SPNS2: variants seen among roughly 807,000 people sequenced by gnomAD.
SPNS2 encodes the protein sphingosine-1-phosphate transporter SPNS2.
SPNS2 carries 37 observed loss-of-function variants against 57.6 expected under a neutral mutation model. The observed-to-expected ratio is 0.64, with a 90% CI of 0.49 to 0.85. The LOEUF (loss-of-function observed/expected upper bound fraction) is 0.85, where lower values mean the gene tolerates loss of function less well. Ranked by LOEUF, SPNS2 falls within the 40% of genes least tolerant of loss-of-function variation. The pLI is 0.00. For missense variants in SPNS2, 831 were observed against 779.1 expected, an observed-to-expected ratio of 1.07 and a Z score of -0.79; for synonymous variants, 440 against 346.9, an observed-to-expected ratio of 1.27 and a Z score of -2.98.
chr17:4,534,785 G>A (rs546187459), intron 9 of SPNS2, among the ~76,000 whole-genome samples: 6 of 151,044 alleles, frequency 4.0e-5, no homozygotes, highest in South Asian at 2.1e-4. Context: ...GCAGGGGTGC[G>A]CCAGGGTCAC....
Position 4,532,675 on chromosome 17 carries a change from T to C in SPNS2, c.926T>C (p.Leu309Pro). Residue 309 changes from leucine to proline, a missense_variant, in exon 6 of 13, where the codon CTG becomes CCG. Transcript: ENST00000329078. ...RTSWLRDMKA[L>P]IRNRSYVFSS... Reference sequence around the variant, plus strand: ...TCATGGCTCCGAGATATGAAGGCCCTGATTCGAAAGTGAGTACCGCGGGAA... The same window carrying C: ...TCATGGCTCCGAGATATGAAGGCCCCGATTCGAAAGTGAGTACCGCGGGAA... 1 of 1,613,606 alleles carries C rather than the reference T, an allele frequency of 6.2e-7. No homozygotes were observed.
intron 2 of SPNS2, among the ~76,000 whole-genome samples, chr17:4,517,153 G>A (rs763010151): frequency 1.3e-5 from 2 of 152,078 alleles, no homozygotes; most frequent in South Asian, 2.1e-4. Flanking sequence ...GTTCCCTTTC[G>A]AGAATGGGCA....
At chr17:4,533,680 T>G (rs1597370184) in intron 8 of SPNS2, 108 bp from the exon 9 acceptor site, 4 of 1,255,524 alleles carry the variant, frequency 3.2e-6, no homozygotes, top group South Asian at 1.2e-5. Context: ...CCGGGAGGGG[T>G]GTGAGGTTTT....
intron 2 of SPNS2, among the ~76,000 whole-genome samples, chr17:4,523,440 CACAA>C (rs1214960700): frequency 6.6e-6 from 1 of 151,910 alleles, no homozygotes; most frequent in Non-Finnish European, 1.5e-5. Flanking sequence ...GACACTGTCT[CACAA>C]ACAAATAAAA....
At chr17:4,533,887 C>A (rs753624390) in intron 9 of SPNS2, 34 bp downstream of exon 9, 1 of 1,548,004 alleles carries the variant, frequency 6.5e-7, no homozygotes, top group Admixed American at 1.7e-5. Context: ...CCTTGTGCTG[C>A]TGACCCAGGC....
In SPNS2 at chr17:4,533,429, C is replaced by A. The variant is rs762347363; in HGVS notation, c.1275C>A (p.Ala425=). ...FVAAKSSIVG[A]YICIFVGETL... is the part of the protein sequence containing the mutation. ...CTGCCAAGAGCAGCATCGTAGGAGC[C>A]TATGTGAGTGCAGCGGGGGTCAAGG... Residue 425 remains alanine (A), a synonymous_variant, in exon 8 of 13, where the codon GCC becomes GCA. Transcript: ENST00000329078. 6.9e-6 allele frequency: 11 copies of A among 1,598,772 alleles called. No homozygotes were observed. Among genetic ancestry groups the A allele is most frequent in the South Asian group, 1.1e-5 (1 of 89,830 alleles).
rs1842241073 is a variant in SPNS2, at chr17:4,511,505, G to A, written c.371-1742G>A. On this transcript the variant is annotated intron_variant, in intron 1 of 12. Coordinates refer to ENST00000329078, the MANE Select transcript of SPNS2 (RefSeq NM_001124758.3). The surrounding 1 kb of genome is among the most constrained non-coding windows in gnomAD (Gnocchi z 4.6). The stretch of plus-strand genomic sequence containing the variant: ...GGGATGGGATCAAACCTACACATCA[G>A]GAGGGGGAACAGAGTCCTGACCCAG... Among the ~76,000 whole-genome samples the A allele has an allele frequency of 1.3e-5, 2 of 152,220 alleles. No homozygotes were observed. Among genetic ancestry groups the A allele is most frequent in the Admixed American group, 1.3e-4 (2 of 15,290 alleles).
chr17:4,524,633 G>T (rs911559773), intron 2 of SPNS2, among the ~76,000 whole-genome samples: 4 of 152,190 alleles, frequency 2.6e-5, no homozygotes, highest in Admixed American at 2.6e-4. Context: ...GCAGTGAGCC[G>T]AGAGTGTGCC....
chr17:4,532,948 C>T (rs760259208), intron 6 of SPNS2, 29 bp from the exon 7 acceptor site: 1 of 1,596,872 alleles, frequency 6.3e-7, no homozygotes, highest in Non-Finnish European at 8.5e-7. Context: ...GGTCCCTGAG[C>T]TCAGTGTCAC....
chr17:4,516,579 T>C (rs1295195555), intron 2 of SPNS2, among the ~76,000 whole-genome samples: 2 of 142,460 alleles, frequency 1.4e-5, no homozygotes, highest in African/African-American at 5.3e-5. Context: ...GCAGAGAGCG[T>C]GCACCTAGCT....
At chr17:4,534,756 A>G (rs1170939743) in intron 9 of SPNS2, among the ~76,000 whole-genome samples, 1 of 151,932 alleles carries the variant, frequency 6.6e-6, no homozygotes, top group African/African-American at 2.4e-5. Context: ...TCAGAGCCTC[A>G]GCACGGAGCC....
At chr17:4,536,601 C>G (rs1597372277) in intron 11 of SPNS2, 175 bp downstream of exon 11, 1 of 816,850 alleles carries the variant, frequency 1.2e-6, no homozygotes, top group African/African-American at 1.7e-5. Flanking sequence ...CAGCCTGGAG[C>G]TGTGGGAGGC....
At chr17:4,533,920 T>TTG (rs2144372562) in intron 9 of SPNS2, 67 bp downstream of exon 9, 22 of 937,856 alleles carry the variant, frequency 2.3e-5, no homozygotes, top group Non-Finnish European at 3.5e-5. Context: ...CAGGGGTGCC[T>TTG]GGGGAGGGCG....
At chr17:4,507,364 C>T (rs77207817) in intron 1 of SPNS2, among the ~76,000 whole-genome samples, 2,052 of 152,306 alleles carry the variant, frequency 0.013, 44 homozygotes, top group African/African-American at 0.047. Context: ...GTGGGAATGC[C>T]CCATTGTTCT....
intron 2 of SPNS2, among the ~76,000 whole-genome samples, chr17:4,516,561 G>A (rs1905001020): frequency 6.6e-6 from 1 of 151,926 alleles, no homozygotes; most frequent in Non-Finnish European, 1.5e-5. Context: ...TGGGAGCCTG[G>A]GTGGACGGCA....
At chr17:4,517,991 C>T (rs1169535602) in intron 2 of SPNS2, among the ~76,000 whole-genome samples, 1 of 152,202 alleles carries the variant, frequency 6.6e-6, no homozygotes, top group Non-Finnish European at 1.5e-5. Flanking sequence ...AGGAAATCAG[C>T]GTCAATGCAA....
chr17:4,506,562 G>A (rs1164369224), intron 1 of SPNS2, among the ~76,000 whole-genome samples: 1 of 152,174 alleles, frequency 6.6e-6, no homozygotes, highest in Non-Finnish European at 1.5e-5. Context: ...TGATAGACTA[G>A]AACCACAGGC....
intron 9 of SPNS2, 64 bp downstream of exon 9, chr17:4,533,917 GCCT>G: frequency 2.1e-6 from 3 of 1,456,018 alleles, no homozygotes; most frequent in Non-Finnish European, 2.9e-6. Context: ...TCACAGGGGT[GCCT>G]GGGGAGGGCG....
intron 1 of SPNS2, among the ~76,000 whole-genome samples, chr17:4,501,091 C>G (rs1278815397): frequency 6.6e-6 from 1 of 152,156 alleles, no homozygotes; most frequent in East Asian, 1.9e-4. Flanking sequence ...GATAGGGGGA[C>G]CAATGTCCCT....
Sources: gnomAD v4.1 joint callset for allele counts (sites outside exome capture counted in the v4.1 genomes callset) on GRCh38, gnomAD v4.1.1 for gene constraint, Gnocchi (gnomAD v3.1) non-coding constraint, MANE v1.5 for transcripts, NCBI Gene and HGNC (gene_info 2026-07-23, HGNC 2026-07-21) for gene names.